Variants in POC1B observed in about 807,000 individuals in gnomAD.
POC1B encodes the protein POC1 centriolar protein homolog B.
Under a neutral mutation model 60.6 loss-of-function variants are expected in POC1B, and 44 were observed. The observed-to-expected ratio is 0.73, with a 90% CI of 0.57 to 0.93. POC1B has a LOEUF of 0.93. POC1B is among the 40% of genes least tolerant of loss of function. POC1B has a pLI of 0.00. For synonymous variants in POC1B, 180 were observed against 198.9 expected (o/e 0.90, Z 0.80); for missense variants, 555 against 572.3 (o/e 0.97, Z 0.31).
chr12:89,465,703 A>G (rs1274867093), intron 9 of POC1B, among the ~76,000 whole-genome samples: 1 of 152,176 alleles, frequency 6.6e-6, no homozygotes, highest in African/African-American at 2.4e-5. Flanking sequence ...CATGATTAAT[A>G]CTTTAGAAGA....
rs746802389 is a variant in POC1B at position 89,459,677 on chromosome 12, A to C, written c.1074T>G (p.Thr358=). ...AAGAAAGGATATCCATAACAGGGGG[A>C]GTAGAGATCTGCAAATCGATTACCT... The part of the protein sequence containing the change: ...KLEVIDLQIS[T]PPVMDILSFD... The change falls in exon 10 of 12, where the codon ACT becomes ACG. Residue 358 remains threonine, a synonymous_variant. Transcript: ENST00000313546. 6.5e-7 allele frequency: 1 copy of C among 1,534,448 alleles called. No individual in the cohort carries two copies.
chr12:89,469,956 C>A (rs578153966), intron 7 of POC1B, among the ~76,000 whole-genome samples: 2 of 152,044 alleles, frequency 1.3e-5, no homozygotes, highest in Admixed American at 1.3e-4. Flanking sequence ...CAGCCTCCCC[C>A]TCCTGGGTTC....
intron 3 of POC1B, among the ~76,000 whole-genome samples, chr12:89,496,491 A>G (rs965672458): frequency 6.6e-6 from 1 of 152,226 alleles, no homozygotes; most frequent in African/African-American, 2.4e-5. Flanking sequence ...GATTGACGGG[A>G]ATATGAGGCA....
Position 89,421,175 on chromosome 12 carries a change from C to T in POC1B, c.1415G>A (p.Ser472Asn). The change falls in exon 12 of 12, where the codon AGT (serine) becomes AAT (asparagine). Residue 472 changes from serine to asparagine, a missense_variant. By Grantham distance (46) the Ser-to-Asn change is conservative (BLOSUM62 1). Coordinates refer to ENST00000313546, the MANE Select transcript of POC1B (RefSeq NM_172240.3). Reference protein sequence around the residue: ...DCLENQQKLFSAVQQKS With the variant: ...DCLENQQKLFNAVQQKS ...TATTCAGCTTTTCTGTTGGACAGCA[C>T]TGAAAAGCTTTTGCTGATTTTCAAG... 1 of 1,599,024 alleles carries T rather than the reference C, an allele frequency of 6.3e-7. No individual in the cohort carries two copies. Among genetic ancestry groups the T allele is most frequent in the Non-Finnish European group, 8.6e-7 (1 of 1,168,652 alleles).
At chr12:89,469,782 A>G (rs1882817070) in intron 7 of POC1B, among the ~76,000 whole-genome samples, 1 of 152,232 alleles carries the variant, frequency 6.6e-6, no homozygotes. Context: ...CAACATACTG[A>G]TAAAGACAGC....
chr12:89,502,803 A>G, intron 2 of POC1B: 2 of 1,313,644 alleles, frequency 1.5e-6, no homozygotes, highest in Non-Finnish European at 2.1e-6. Flanking sequence ...AACTTTGGTG[A>G]CCTTTCGTGT....
intron 2 of POC1B, among the ~76,000 whole-genome samples, chr12:89,516,761 T>C (rs1870460436): frequency 6.6e-6 from 1 of 152,080 alleles, no homozygotes; most frequent in Non-Finnish European, 1.5e-5. Context: ...CTCCAAAGGC[T>C]CTAGGGGATA....
intron 2 of POC1B, among the ~76,000 whole-genome samples, chr12:89,517,110 C>A (rs1870478967): frequency 6.6e-6 from 1 of 152,186 alleles, no homozygotes; most frequent in African/African-American, 2.4e-5. Context: ...TCTCTACCTC[C>A]CCCTACAGCT....
chr12:89,436,468 C>T (rs551155928), intron 10 of POC1B, among the ~76,000 whole-genome samples: 1 of 152,274 alleles, frequency 6.6e-6, no homozygotes, highest in Non-Finnish European at 1.5e-5. Flanking sequence ...AATCCCAGCA[C>T]TTTGGGAGGC....
intron 4 of POC1B, among the ~76,000 whole-genome samples, chr12:89,491,377 A>C (rs1592623752): frequency 6.6e-6 from 1 of 152,118 alleles, no homozygotes; most frequent in East Asian, 1.9e-4. Context: ...AAAATCCAGC[A>C]CTTTGGGAGG....
intron 6 of POC1B, 49 bp downstream of exon 6, chr12:89,471,565 C>A: frequency 7.0e-7 from 1 of 1,423,928 alleles, no homozygotes; most frequent in South Asian, 1.2e-5. Context: ...TCAGTCCTTC[C>A]AAAAGGAGTC....
At chr12:89,449,748 G>A in intron 10 of POC1B, among the ~76,000 whole-genome samples, 1 of 152,018 alleles carries the variant, frequency 6.6e-6, no homozygotes, top group East Asian at 1.9e-4. Context: ...ATATTTTAAA[G>A]AAATATTCTA....
chr12:89,507,534 C>T (rs1035351629), intron 2 of POC1B, among the ~76,000 whole-genome samples: 2 of 151,958 alleles, frequency 1.3e-5, no homozygotes, highest in African/African-American at 4.8e-5. Context: ...GGGTCTATTT[C>T]GAGATAAAAT....
chr12:89,429,967 A>C (rs1304061968), intron 10 of POC1B, among the ~76,000 whole-genome samples: 1 of 152,224 alleles, frequency 6.6e-6, no homozygotes, highest in Non-Finnish European at 1.5e-5. Flanking sequence ...TATAGCAAAG[A>C]ACAAGTCAGA....
At chr12:89,459,983 AAG>A (rs1429128779) in intron 9 of POC1B, 1 of 446,736 alleles carries the variant, frequency 2.2e-6, no homozygotes, top group Non-Finnish European at 4.2e-6. Flanking sequence ...TTTACCTAAA[AAG>A]GAATATTAAA....
intron 10 of POC1B, among the ~76,000 whole-genome samples, chr12:89,438,403 G>C (rs1010853131): frequency 3.3e-5 from 5 of 152,270 alleles, no homozygotes; most frequent in Non-Finnish European, 5.9e-5. Context: ...CTTGCAGTGA[G>C]CCGTGATAGC....
At position 89,525,145 on chromosome 12, in the gene POC1B, G is replaced by A. The variant is rs552148954; in HGVS notation, c.75C>T (p.Asp25=). The part of the protein sequence containing the change: ...KGHKAAITSL[D]LSPNGKQLAT... Reference sequence around the variant, plus strand: ...CAAGTTGCTTGCCGTTGGGGCTGAGGTCCAAGGAGGTGATCGCAGCTTTGT... The same window carrying A: ...CAAGTTGCTTGCCGTTGGGGCTGAGATCCAAGGAGGTGATCGCAGCTTTGT... Residue 25 remains aspartate (D), a synonymous_variant, in exon 2 of 12, where the codon GAC becomes GAT. Coordinates refer to ENST00000313546, the MANE Select transcript of POC1B (RefSeq NM_172240.3). 2 of 1,614,064 alleles carry A rather than the reference G, an allele frequency of 1.2e-6. No homozygotes were observed. The highest frequency in any genetic ancestry group is 2.2e-5 in the East Asian group (1 of 44,880).
At chr12:89,464,285 C>T (rs1341837812) in intron 9 of POC1B, among the ~76,000 whole-genome samples, 1 of 152,128 alleles carries the variant, frequency 6.6e-6, no homozygotes, top group Middle Eastern at 3.2e-3. Flanking sequence ...TAAATGAACA[C>T]AGCACAACTT....
At chr12:89,493,455 T>C (rs1011658974) in intron 3 of POC1B, among the ~76,000 whole-genome samples, 1 of 152,170 alleles carries the variant, frequency 6.6e-6, no homozygotes, top group Non-Finnish European at 1.5e-5. Flanking sequence ...CAGTGGTCTG[T>C]AGGGAGGAAA....
Sources: gnomAD v4.1 joint callset for allele counts (sites outside exome capture counted in the v4.1 genomes callset) on GRCh38, gnomAD v4.1.1 for gene constraint, MANE v1.5 for transcripts, NCBI Gene and HGNC (gene_info 2026-07-23, HGNC 2026-07-21) for gene names.